The following PTPRN2 variants were observed in gnomAD, a reference collection of about 807,000 sequenced individuals.
PTPRN2 encodes protein tyrosine phosphatase receptor type N2.
In PTPRN2, 74 loss-of-function variants were observed where a neutral mutation model predicts 118.8. The ratio of observed to expected loss-of-function variants is 0.62; its 90% CI spans 0.52 to 0.76. The LOEUF (loss-of-function observed/expected upper bound fraction) is 0.76. Among genes scored for constraint, PTPRN2 ranks in the 30% least tolerant of loss-of-function variants. The pLI, the probability that PTPRN2 is intolerant of heterozygous loss-of-function variation, is 0.00. For synonymous variants in PTPRN2, 641 were observed against 608.0 expected (o/e 1.05, Z -0.80); for missense variants, 1,481 against 1,394.4 (o/e 1.06, Z -0.99).
intron 15 of PTPRN2, among the ~76,000 whole-genome samples, chr7:157,621,146 GC>G (rs1391299194): frequency 1.9e-4 from 28 of 144,182 alleles, no homozygotes; most frequent in Admixed American, 1.9e-3. Context: ...CAGTCCTCCC[GC>G]CCCCGGTGCT....
Position 158,089,622 on chromosome 7 carries a change from A to G in PTPRN2, c.1644-8245T>C, listed in dbSNP as rs201593839. ...ACCTTCTTCCCCTGATGAAAGAGGG[A>G]GTCTTCACACAAACCTTCTTCCCCT... is the stretch of plus-strand genomic sequence containing the variant. On this transcript the variant is annotated intron_variant, in intron 10 of 22. Coordinates refer to ENST00000389418, the MANE Select transcript of PTPRN2 (RefSeq NM_002847.5). Among the ~76,000 whole-genome samples the G allele has an allele frequency of 2.3e-3, 244 of 107,566 alleles. 1 individual carries two copies. The highest frequency in any genetic ancestry group is 3.0e-3 in the Non-Finnish European group (146 of 48,188). The allele number at this position is 107,566 out of a possible 152,430, so 70.6% of individuals were successfully genotyped here.
Position 158,152,123 on chromosome 7 carries a change from G to A in PTPRN2, c.911-13608C>T, listed in dbSNP as rs540274763. Among the ~76,000 whole-genome samples the A allele has an allele frequency of 4.3e-4, 56 of 131,332 alleles. No individual in the cohort carries two copies. In the South Asian group the frequency reaches 0.01, roughly 24 times the overall value. 86.2% of individuals were successfully genotyped at this position (131,332 alleles called of 152,430 possible). ...CGGGAGGCGGAGCTTGCAGTGAGCCGAGATCACGCCACTGCACTCCAGCCT... is the reference window on the plus strand; with the variant it reads ...CGGGAGGCGGAGCTTGCAGTGAGCCAAGATCACGCCACTGCACTCCAGCCT... On this transcript the variant is annotated intron_variant, in intron 6 of 22. Transcript: ENST00000389418.
intron 13 of PTPRN2, among the ~76,000 whole-genome samples, chr7:157,661,417 G>C (rs929807615): frequency 1.3e-5 from 2 of 152,272 alleles, no homozygotes; most frequent in Non-Finnish European, 2.9e-5. Context: ...ACGCGCGGCC[G>C]GGGACGCTGC....
chr7:157,741,375 T>C (rs1800623614), intron 12 of PTPRN2, among the ~76,000 whole-genome samples: 1 of 152,240 alleles, frequency 6.6e-6, no homozygotes, highest in Non-Finnish European at 1.5e-5. Flanking sequence ...GCATTGCCTG[T>C]GGACCTCCCT....
At chr7:158,564,309 G>A (rs1827549537) in intron 1 of PTPRN2, among the ~76,000 whole-genome samples, 1 of 152,252 alleles carries the variant, frequency 6.6e-6, no homozygotes, top group Non-Finnish European at 1.5e-5. Context: ...CTTTGCACAT[G>A]TGTGCAAGTA....
chr7:157,878,106 T>C (rs1035026317), intron 12 of PTPRN2, among the ~76,000 whole-genome samples: 4 of 152,174 alleles, frequency 2.6e-5, no homozygotes, highest in Admixed American at 6.5e-5. Flanking sequence ...CATCTCAGCT[T>C]TGCTGTCTAG....
intron 11 of PTPRN2, among the ~76,000 whole-genome samples, chr7:157,925,210 G>A (rs1798906700): frequency 6.7e-6 from 1 of 148,722 alleles, no homozygotes; most frequent in African/African-American, 2.5e-5. Context: ...TAGCACGTCA[G>A]GCAAATGCAG....
At chr7:158,258,999 A>G (rs1797214601) in intron 3 of PTPRN2, among the ~76,000 whole-genome samples, 1 of 152,084 alleles carries the variant, frequency 6.6e-6, no homozygotes, top group East Asian at 1.9e-4. Context: ...CGGTACAGGG[A>G]GGCAGGAAGC....
Position 158,526,456 on chromosome 7 carries a change from C to T in PTPRN2, c.113-36671G>A, listed in dbSNP as rs892813957. ...CAAACACAGGGTCTGGAGGTCTCTC[C>T]GCTGGTCACGGCCTCGGAATTCCGA... On this transcript the variant is annotated intron_variant, in intron 1 of 22. Coordinates refer to ENST00000389418, the MANE Select transcript of PTPRN2 (RefSeq NM_002847.5). This position sits in a 1 kb window ranked among gnomAD's most constrained non-coding sequence, Gnocchi z 5.2. Among the ~76,000 whole-genome samples the T allele has an allele frequency of 6.6e-6, 1 of 152,164 alleles. No homozygotes were observed. The highest frequency in any genetic ancestry group is 2.4e-5 in the African/African-American group (1 of 41,446).
chr7:158,412,752 TCAGCACCCTCCTCAGCACCAGGGCCCATC>T (rs1814256931), intron 2 of PTPRN2, among the ~76,000 whole-genome samples: 2 of 44,104 alleles, frequency 4.5e-5, no homozygotes, highest in Admixed American at 2.7e-4. Flanking sequence ...AGGGCCCAGC[TCAGCACCCTCCTCAGCACCAGGGCCCATC>T]CAGCACCCTC....
chr7:158,216,468 G>T (rs537150151), intron 3 of PTPRN2, among the ~76,000 whole-genome samples: 1 of 151,682 alleles, frequency 6.6e-6, no homozygotes, highest in East Asian at 1.9e-4. Flanking sequence ...ACTATATGAA[G>T]CTCACTTTGA....
chr7:158,154,983 G>C (rs1481605366), intron 6 of PTPRN2, among the ~76,000 whole-genome samples: 1 of 152,198 alleles, frequency 6.6e-6, no homozygotes, highest in Non-Finnish European at 1.5e-5. Context: ...TTGAAGAAGG[G>C]CGGCAGCACA....
rs1797445901 is a variant in PTPRN2 at position 157,690,857 on chromosome 7, G to A, written c.1789-7920C>T. ...CGCTCGGCCCAGCTCCGCGTGCTCC[G>A]CCCCGGCCCGGCCCCCGGGCTAGGC... On this transcript the variant is annotated intron_variant, in intron 12 of 22. Transcript: ENST00000389418. This position sits in a 1 kb window ranked among gnomAD's most constrained non-coding sequence, Gnocchi z 7.1. Among the ~76,000 whole-genome samples the A allele has an allele frequency of 6.8e-6, 1 of 146,430 alleles. No individual in the cohort carries two copies. The highest frequency in any genetic ancestry group is 1.5e-5 in the Non-Finnish European group (1 of 65,952).
At chr7:157,708,481 C>T (rs956588137) in intron 12 of PTPRN2, among the ~76,000 whole-genome samples, 2 of 152,036 alleles carry the variant, frequency 1.3e-5, no homozygotes, top group African/African-American at 4.8e-5. Flanking sequence ...GAGTGGCTCT[C>T]GGCCATTCAG....
chr7:158,358,217 C>T lies in PTPRN2; in HGVS notation c.164-41285G>A, dbSNP rs149414646. ...ACAGGGAGACCTGAGACGCCCTACG[C>T]CCACCTTTCTTCCGGCCTGGTCTTA... On this transcript the variant is annotated intron_variant, in intron 2 of 22. Transcript: ENST00000389418. 9.1e-4 allele frequency among the ~76,000 whole-genome samples: 138 copies of T among 152,322 alleles called. 2 individuals carry two copies. In the East Asian group the frequency reaches 0.02, roughly 22 times the overall value.
At chr7:158,511,420 A>T (rs1229902073) in intron 1 of PTPRN2, among the ~76,000 whole-genome samples, 1 of 152,176 alleles carries the variant, frequency 6.6e-6, no homozygotes, top group East Asian at 1.9e-4. Context: ...GGAAGGGAGA[A>T]CCCACGGCTC....
At chr7:157,652,617 G>T (rs1055133311) in intron 14 of PTPRN2, among the ~76,000 whole-genome samples, 3 of 152,112 alleles carry the variant, frequency 2.0e-5, no homozygotes, top group African/African-American at 7.2e-5. Flanking sequence ...TCCCTGAGAC[G>T]TGTGCTCTCC....
intron 2 of PTPRN2, among the ~76,000 whole-genome samples, chr7:158,417,593 A>C: frequency 6.7e-6 from 1 of 148,702 alleles, no homozygotes; most frequent in African/African-American, 2.5e-5. Context: ...CTACATCGAG[A>C]TGCTCTAGCT....
At chr7:158,407,126 CCTGGGTCCTGCGTCCTGCGTCCT>C (rs1563254043) in intron 2 of PTPRN2, among the ~76,000 whole-genome samples, 4 of 150,492 alleles carry the variant, frequency 2.7e-5, no homozygotes, top group East Asian at 2.0e-4. Flanking sequence ...CGTCCTGGGT[CCTGGGTCCTGCGTCCTGCGTCCT>C]GGGTCCTGGG....
Sources: allele counts gnomAD v4.1 joint callset (sites outside exome capture counted in the v4.1 genomes callset), GRCh38; gene constraint gnomAD v4.1.1; non-coding constraint Gnocchi (gnomAD v3.1); transcripts MANE v1.5; gene names NCBI Gene and HGNC (gene_info 2026-07-23, HGNC 2026-07-21).